Variants in PITPNB observed in about 807,000 individuals in gnomAD.
The protein encoded by PITPNB is phosphatidylinositol transfer protein beta isoform.
In PITPNB, 16 loss-of-function variants were observed where a neutral mutation model predicts 45.9. That is an observed-to-expected ratio of 0.35 (90% CI 0.24 to 0.53). The LOEUF (loss-of-function observed/expected upper bound fraction) is 0.53. Among genes scored for constraint, PITPNB ranks in the 20% least tolerant of loss-of-function variants. The probability of loss-of-function intolerance (pLI) is 0.93; values close to 1 mark genes in which losing one functional copy is unlikely to be tolerated. For synonymous variants in PITPNB, 112 were observed against 108.9 expected, an observed-to-expected ratio of 1.03 and a Z score of -0.18; for missense variants, 188 against 330.5, an observed-to-expected ratio of 0.57 and a Z score of 3.34.
At chr22:27,906,815 A>G (rs115412801) in intron 3 of PITPNB, among the ~76,000 whole-genome samples, 2 of 152,362 alleles carry the variant, frequency 1.3e-5, no homozygotes, top group African/African-American at 4.8e-5. Flanking sequence ...CTGAGATTCA[A>G]GGAAACCAGA....
rs1027661326 is a variant in PITPNB at position 27,851,941 on chromosome 22, T to A, written c.*1761A>T. The A allele has an allele frequency of 1.3e-5, 2 of 152,196 alleles. No individual in the cohort carries two copies. Among genetic ancestry groups the A allele is most frequent in the African/African-American group, 4.8e-5 (2 of 41,456 alleles). 9.4% of individuals were successfully genotyped at this position (152,196 alleles called of 1,614,324 possible). A position where few individuals can be genotyped will look rare whatever the true frequency, so the allele number is the denominator to read the frequency against. On this transcript the variant is annotated 3_prime_UTR_variant, in exon 12 of 12. Transcript: ENST00000335272. ...CTTTATTTCACAAAATTAGCAATAA[T>A]CTTCCTCGCACCAAACACTTTGCAG...
chr22:27,877,697 A>G (rs1219917869), intron 7 of PITPNB, among the ~76,000 whole-genome samples: 1 of 152,200 alleles, frequency 6.6e-6, no homozygotes, highest in Non-Finnish European at 1.5e-5. Flanking sequence ...GTCTGTGCTG[A>G]GCCAAACTAA....
chr22:27,918,883 G>A (rs941658736), intron 1 of PITPNB, among the ~76,000 whole-genome samples: 1 of 152,078 alleles, frequency 6.6e-6, no homozygotes, highest in Non-Finnish European at 1.5e-5. Context: ...GAGAAGGCGG[G>A]TCCCAGCGGA....
At chr22:27,909,914 G>A (rs1469015779) in intron 3 of PITPNB, among the ~76,000 whole-genome samples, 1 of 151,734 alleles carries the variant, frequency 6.6e-6, no homozygotes, top group Non-Finnish European at 1.5e-5. Flanking sequence ...CAAGTAGCTG[G>A]GACCATAAGC....
At chr22:27,901,508 A>C (rs1032051248) in intron 3 of PITPNB, among the ~76,000 whole-genome samples, 1 of 152,192 alleles carries the variant, frequency 6.6e-6, no homozygotes, top group African/African-American at 2.4e-5. Flanking sequence ...TTCATTTTAC[A>C]ATCAACTGAA....
chr22:27,897,686 C>A, intron 4 of PITPNB, 115 bp downstream of exon 4: 2 of 736,710 alleles, frequency 2.7e-6, no homozygotes, highest in Non-Finnish European at 4.9e-6. Context: ...CAGTGACTAT[C>A]CAAGAACCCA....
At chr22:27,858,570 T>C in intron 9 of PITPNB, 61 bp from the exon 10 acceptor site, 1 of 1,351,338 alleles carries the variant, frequency 7.4e-7, no homozygotes, top group East Asian at 2.3e-5. Flanking sequence ...TAATGACACA[T>C]TAACTTTACA....
intron 6 of PITPNB, among the ~76,000 whole-genome samples, chr22:27,895,972 A>T (rs1935420057): frequency 6.6e-6 from 1 of 152,260 alleles, no homozygotes; most frequent in East Asian, 1.9e-4. Context: ...AAGTTCCACG[A>T]CAAACCTTAC....
chr22:27,859,893 G>C (rs943095223), intron 9 of PITPNB, among the ~76,000 whole-genome samples: 1 of 152,182 alleles, frequency 6.6e-6, no homozygotes, highest in African/African-American at 2.4e-5. Flanking sequence ...AAACCATAAG[G>C]TAAGCACTTT....
chr22:27,882,678 T>C (rs561486021), intron 7 of PITPNB, among the ~76,000 whole-genome samples: 60 of 152,358 alleles, frequency 3.9e-4, no homozygotes, highest in African/African-American at 1.4e-3. Flanking sequence ...CCAAAACTCG[T>C]GGCTCCGATT....
chr22:27,879,606 A>G (rs530276554), intron 7 of PITPNB, among the ~76,000 whole-genome samples: 11 of 152,292 alleles, frequency 7.2e-5, no homozygotes, highest in African/African-American at 2.6e-4. Flanking sequence ...AAAAATGAAG[A>G]TATTTCAAAC....
intron 3 of PITPNB, among the ~76,000 whole-genome samples, chr22:27,905,339 G>A (rs1246413232): frequency 3.3e-5 from 5 of 152,050 alleles, no homozygotes; most frequent in Non-Finnish European, 5.9e-5. Context: ...TAGTAGAGAC[G>A]GGGTTTCACC....
intron 7 of PITPNB, among the ~76,000 whole-genome samples, chr22:27,885,212 TAAAAAAAAAAAAAAAAAAAA>T (rs71194746): frequency 0.087 from 2,643 of 30,238 alleles, 113 homozygotes; most frequent in African/African-American, 0.24. Context: ...AATTTATACC[TAAAAAAAAAAAAAAAAAAAA>T]AAAAAAAAAA....
At position 27,873,830 on chromosome 22, in the gene PITPNB, A is replaced by G; in HGVS notation, c.457-15T>C. On this transcript the variant is annotated splice_polypyrimidine_tract_variant and intron_variant, in intron 7 of 11. Coordinates refer to ENST00000335272, the MANE Select transcript of PITPNB (RefSeq NM_012399.5). ...GCTTTGTAGTCCTGCAAAGCAAAAC[A>G]AAGTCAGAGGCAGAGAAGAAAACCA... 1 of 1,569,990 alleles carries G rather than the reference A, an allele frequency of 6.4e-7. No individual in the cohort carries two copies. The highest frequency in any genetic ancestry group is 8.8e-7 in the Non-Finnish European group (1 of 1,139,802).
At chr22:27,911,704 T>C (rs1309384286) in intron 2 of PITPNB, among the ~76,000 whole-genome samples, 1 of 152,222 alleles carries the variant, frequency 6.6e-6, no homozygotes, top group African/African-American at 2.4e-5. Context: ...ATTTGGTCCT[T>C]CTTCAGCTAA....
chr22:27,867,480 G>A lies in PITPNB; in HGVS notation c.534+6258C>T, dbSNP rs114781624. On this transcript the variant is annotated intron_variant, in intron 8 of 11. Transcript: ENST00000335272. ...GGTTAATCTAATTTCACAAAAAGGC[G>A]AAATAAGATCCAGACAGGAAAGCTT... Among the ~76,000 whole-genome samples the A allele has an allele frequency of 7.0e-3, 1,064 of 152,232 alleles. 7 individuals carry two copies. The highest frequency in any genetic ancestry group is 0.023 in the African/African-American group (944 of 41,554).
chr22:27,912,031 TG>T (rs748098243), intron 2 of PITPNB, among the ~76,000 whole-genome samples: 4 of 152,220 alleles, frequency 2.6e-5, no homozygotes, highest in Non-Finnish European at 4.4e-5. Context: ...ACTTCAAATT[TG>T]GCTAAATTTC....
intron 7 of PITPNB, among the ~76,000 whole-genome samples, chr22:27,882,928 G>GT (rs773936553): frequency 6.6e-5 from 10 of 152,200 alleles, no homozygotes; most frequent in Non-Finnish European, 1.0e-4. Context: ...AAAACAAACA[G>GT]TAAGTTCCAA....
At chr22:27,884,986 C>T (rs1379587487) in intron 7 of PITPNB, among the ~76,000 whole-genome samples, 1 of 150,482 alleles carries the variant, frequency 6.6e-6, no homozygotes, top group African/African-American at 2.4e-5. Flanking sequence ...ACATAAATAT[C>T]TAAAAATGTG....
Sources: allele counts gnomAD v4.1 joint callset (sites outside exome capture counted in the v4.1 genomes callset), GRCh38; gene constraint gnomAD v4.1.1; transcripts MANE v1.5; gene names NCBI Gene and HGNC (gene_info 2026-07-23, HGNC 2026-07-21).